The following PDS5A variants were observed in gnomAD, a reference collection of about 807,000 sequenced individuals.
PDS5A encodes the protein PDS5 cohesin associated factor A.
In PDS5A, 42 loss-of-function variants were observed where a neutral mutation model predicts 167.1. That is an observed-to-expected ratio of 0.25 (90% CI 0.20 to 0.33). The LOEUF is 0.33. Among genes scored for constraint, PDS5A ranks in the 10% least tolerant of loss-of-function variants. PDS5A has a pLI of 1.00. For missense variants in PDS5A, 1,033 were observed against 1,605.9 expected (o/e 0.64, Z 6.10); for synonymous variants, 553 against 554.6 (o/e 1.00, Z 0.04).
At chr4:39,971,362 T>C (rs1730517527) in intron 2 of PDS5A, among the ~76,000 whole-genome samples, 2 of 152,008 alleles carry the variant, frequency 1.3e-5, no homozygotes, top group Admixed American at 1.3e-4. Context: ...TCACCTGTGT[T>C]AGCCAGGATG....
intron 26 of PDS5A, among the ~76,000 whole-genome samples, chr4:39,850,185 T>C (rs1717996506): frequency 6.7e-6 from 1 of 149,906 alleles, no homozygotes; most frequent in Admixed American, 6.7e-5. Flanking sequence ...GGCAGGAGAA[T>C]GGCGTGAACC....
At chr4:39,912,682 T>C (rs1723997168) in intron 9 of PDS5A, among the ~76,000 whole-genome samples, 1 of 152,150 alleles carries the variant, frequency 6.6e-6, no homozygotes, top group Admixed American at 6.5e-5. Flanking sequence ...CTCCAGAATA[T>C]TAATAGTAAA....
At chr4:39,963,237 C>T (rs1413203641) in intron 2 of PDS5A, among the ~76,000 whole-genome samples, 1 of 152,016 alleles carries the variant, frequency 6.6e-6, no homozygotes, top group Non-Finnish European at 1.5e-5. Flanking sequence ...AGTTGGATCA[C>T]CTGAGGTCAA....
At chr4:39,947,899 T>G (rs933892814) in intron 2 of PDS5A, among the ~76,000 whole-genome samples, 3 of 152,054 alleles carry the variant, frequency 2.0e-5, no homozygotes, top group African/African-American at 4.8e-5. Flanking sequence ...GAACCAAACT[T>G]CAACATAAGT....
rs199880029 is a variant in PDS5A, at chr4:39,913,697, A to G, written c.906T>C (p.Val302=). 1.2e-4 allele frequency: 195 copies of G among 1,606,592 alleles called. No individual in the cohort carries two copies. The East Asian group carries it at 3.5e-3, about 29-fold the overall frequency. ...CAAACAATTTAGCTAGAAGTCGAACAACAGCTAATCGCTCTTCTCCATCAT... is the reference window on the plus strand; with the variant it reads ...CAAACAATTTAGCTAGAAGTCGAACGACAGCTAATCGCTCTTCTCCATCAT... ...KSNDGEERLA[V]VRLLAKLFGS... Residue 302 remains valine, a synonymous_variant, in exon 9 of 33, where the codon GTT becomes GTC. Coordinates refer to ENST00000303538, the MANE Select transcript of PDS5A (RefSeq NM_001100399.2).
chr4:39,842,909 T>A (rs7377019), intron 30 of PDS5A, among the ~76,000 whole-genome samples: 6,840 of 91,234 alleles, frequency 0.075, 432 homozygotes, highest in East Asian at 0.13. Flanking sequence ...TATCCTATTT[T>A]TATATATATA....
intron 17 of PDS5A, 44 bp from the exon 18 acceptor site, chr4:39,879,877 A>T (rs551423571): frequency 1.5e-5 from 16 of 1,056,926 alleles, no homozygotes; most frequent in South Asian, 1.5e-4. Flanking sequence ...CTGTAGTAGT[A>T]ACTATATCCT....
intron 2 of PDS5A, among the ~76,000 whole-genome samples, chr4:39,930,087 C>G (rs1212305364): frequency 6.6e-6 from 1 of 151,072 alleles, no homozygotes; most frequent in South Asian, 2.1e-4. Context: ...CAGTAGCACA[C>G]AACTGTAATC....
At chr4:39,855,728 G>A (rs907688930) in intron 26 of PDS5A, among the ~76,000 whole-genome samples, 1 of 152,072 alleles carries the variant, frequency 6.6e-6, no homozygotes, top group Middle Eastern at 3.2e-3. Flanking sequence ...TTCAATGGCC[G>A]ACTACAGCAG....
chr4:39,966,481 T>A (rs1454720854), intron 2 of PDS5A, among the ~76,000 whole-genome samples: 1 of 152,142 alleles, frequency 6.6e-6, no homozygotes, highest in Non-Finnish European at 1.5e-5. Flanking sequence ...TGAGAATGGT[T>A]GATACAGGAA....
In PDS5A at chr4:39,864,626, CT is replaced by C. The variant is rs758681708; in HGVS notation, c.2643-1168del. Reference sequence around the variant, plus strand: ...TTGCTAAGCATAGAGAGAAGAAAACCTGGCACTCTTGGACAACAGGATTGTT... The same window carrying C: ...TTGCTAAGCATAGAGAGAAGAAAACCGGCACTCTTGGACAACAGGATTGTT... On this transcript the variant is annotated intron_variant, in intron 23 of 32. Coordinates refer to ENST00000303538, the MANE Select transcript of PDS5A (RefSeq NM_001100399.2). Among the ~76,000 whole-genome samples, 105 of 152,300 alleles carry C rather than the reference CT, an allele frequency of 6.9e-4. No individual in the cohort carries two copies. In the Middle Eastern group the frequency reaches 0.02, roughly 30 times the overall value.
chr4:39,868,173 G>GT (rs1719719009), intron 22 of PDS5A, among the ~76,000 whole-genome samples: 1 of 152,082 alleles, frequency 6.6e-6, no homozygotes, highest in Non-Finnish European at 1.5e-5. Flanking sequence ...CACAAATTTA[G>GT]TAACAATCAT....
chr4:39,959,113 A>G (rs1319333411), intron 2 of PDS5A, among the ~76,000 whole-genome samples: 1 of 152,138 alleles, frequency 6.6e-6, no homozygotes, highest in Non-Finnish European at 1.5e-5. Flanking sequence ...CCAACCACAT[A>G]ATTGGCACTC....
chr4:39,937,419 A>T (rs972616801), intron 2 of PDS5A, among the ~76,000 whole-genome samples: 5 of 151,980 alleles, frequency 3.3e-5, no homozygotes, highest in Non-Finnish European at 7.4e-5. Context: ...AATTTTTTTT[A>T]ATTTTATTTT....
chr4:39,920,790 T>G (rs1026020696), intron 6 of PDS5A, among the ~76,000 whole-genome samples: 1 of 152,182 alleles, frequency 6.6e-6, no homozygotes, highest in Non-Finnish European at 1.5e-5. Context: ...CATGCTCAAT[T>G]ATTTCATTGT....
intron 30 of PDS5A, among the ~76,000 whole-genome samples, chr4:39,843,979 T>C (rs957233028): frequency 3.3e-5 from 5 of 151,496 alleles, no homozygotes; most frequent in African/African-American, 1.2e-4. Context: ...ACTCCATCTT[T>C]ATGAAAAGTA....
chr4:39,954,078 C>T (rs1427642124), intron 2 of PDS5A, among the ~76,000 whole-genome samples: 3 of 152,042 alleles, frequency 2.0e-5, no homozygotes, highest in Admixed American at 6.6e-5. Context: ...TGGTGGCCCA[C>T]GCCTGTAATC....
chr4:39,930,122 G>A (rs1725875259), intron 2 of PDS5A, among the ~76,000 whole-genome samples: 2 of 142,958 alleles, frequency 1.4e-5, no homozygotes, highest in Admixed American at 7.5e-5. Flanking sequence ...GGCTGAGGCA[G>A]GAGAATCTCT....
chr4:39,892,223 G>C (rs1722038033), intron 16 of PDS5A, among the ~76,000 whole-genome samples: 3 of 152,188 alleles, frequency 2.0e-5, no homozygotes, highest in African/African-American at 7.2e-5. Flanking sequence ...CGGATCGTTT[G>C]AGGTCAGGAG....
Sources: allele counts gnomAD v4.1 joint callset (sites outside exome capture counted in the v4.1 genomes callset), GRCh38; gene constraint gnomAD v4.1.1; transcripts MANE v1.5; gene names NCBI Gene and HGNC (gene_info 2026-07-23, HGNC 2026-07-21).